CNKSR2: variants seen among roughly 807,000 people sequenced by gnomAD.
CNKSR2 encodes the protein connector enhancer of kinase suppressor of Ras 2, also known as CNK homolog protein 2.
Under a neutral mutation model 84.4 loss-of-function variants are expected in CNKSR2, and 14 were observed. The observed-to-expected ratio is 0.17, with a 90% CI of 0.11 to 0.26. CNKSR2 has a LOEUF of 0.26. Ranked by LOEUF, CNKSR2 falls within the 10% of genes least tolerant of loss-of-function variation. The pLI is 1.00. For missense variants in CNKSR2, 485 were observed against 771.2 expected (o/e 0.63, Z 4.40); for synonymous variants, 275 against 277.9 (o/e 0.99, Z 0.10).
chrX:21,396,233 T>A (rs1465691312), intron 1 of CNKSR2, among the ~76,000 whole-genome samples: 1 of 110,884 alleles, frequency 9.0e-6, no homozygotes, highest in African/African-American at 3.3e-5. Context: ...AAACAAAAAT[T>A]TGAATTCTAA....
chrX:21,472,720 T>G (rs755204150), intron 5 of CNKSR2, among the ~76,000 whole-genome samples: 1 of 111,771 alleles, frequency 8.9e-6, no homozygotes, highest in South Asian at 3.7e-4. Flanking sequence ...TCTAGAGAAC[T>G]GTAAAAAATA....
intron 3 of CNKSR2, among the ~76,000 whole-genome samples, chrX:21,439,414 T>C (rs898686257): frequency 9.0e-5 from 10 of 110,804 alleles, no homozygotes; most frequent in African/African-American, 3.3e-4. Flanking sequence ...AATATATATA[T>C]TCAAAATATA....
chrX:21,603,918 G>A (rs1444297223), intron 18 of CNKSR2, among the ~76,000 whole-genome samples: 1 of 110,667 alleles, frequency 9.0e-6, no homozygotes, highest in Admixed American at 9.6e-5. Context: ...CTCTTCTAGT[G>A]TTGGCACTGC....
intron 13 of CNKSR2, among the ~76,000 whole-genome samples, chrX:21,573,273 C>A (rs1384913990): frequency 4.5e-5 from 5 of 112,200 alleles, no homozygotes; most frequent in Non-Finnish European, 3.8e-5. Context: ...CATGAACTGG[C>A]ATTGAGTGCC....
intron 20 of CNKSR2, among the ~76,000 whole-genome samples, chrX:21,624,835 GCA>G (rs1310277384): frequency 4.5e-5 from 5 of 112,206 alleles, no homozygotes; most frequent in African/African-American, 1.3e-4. Flanking sequence ...TCTATTCATT[GCA>G]CAGTTTCTAA....
At chrX:21,552,919 G>C (rs1202079323) in intron 11 of CNKSR2, among the ~76,000 whole-genome samples, 1 of 111,776 alleles carries the variant, frequency 8.9e-6, no homozygotes, top group Non-Finnish European at 1.9e-5. Flanking sequence ...ATAATGACTG[G>C]AGACATTAGA....
chrX:21,522,088 T>C (rs1046983383), intron 9 of CNKSR2, among the ~76,000 whole-genome samples: 1 of 111,151 alleles, frequency 9.0e-6, no homozygotes, highest in African/African-American at 3.2e-5. Context: ...CAGGATACAT[T>C]TTCTCTGAAG....
chrX:21,383,928 A>G (rs2089933984), intron 1 of CNKSR2, among the ~76,000 whole-genome samples: 1 of 112,220 alleles, frequency 8.9e-6, no homozygotes, highest in Non-Finnish European at 1.9e-5. Context: ...GCTGGCATTA[A>G]ATAATACAGC....
chrX:21,509,153 A>T (rs2091644610), intron 8 of CNKSR2, among the ~76,000 whole-genome samples: 1 of 112,173 alleles, frequency 8.9e-6, no homozygotes, highest in Admixed American at 9.5e-5. Flanking sequence ...ATTCACATTA[A>T]GATATTAAGT....
At chrX:21,511,437 GTC>G (rs1569213923) in intron 8 of CNKSR2, among the ~76,000 whole-genome samples, 1 of 110,440 alleles carries the variant, frequency 9.1e-6, no homozygotes, top group Non-Finnish European at 1.9e-5. Flanking sequence ...GCCCTTTATT[GTC>G]TCTGAAACAT....
chrX:21,483,005 A>G (rs1451139721), intron 5 of CNKSR2, among the ~76,000 whole-genome samples: 1 of 111,961 alleles, frequency 8.9e-6, no homozygotes, highest in Non-Finnish European at 1.9e-5. Flanking sequence ...TAATTTTAAT[A>G]TTGGGTTAAA....
chrX:21,511,491 T>C (rs1233008347), intron 8 of CNKSR2, among the ~76,000 whole-genome samples: 2 of 110,909 alleles, frequency 1.8e-5, no homozygotes, highest in East Asian at 2.8e-4. Context: ...AGTCAAGTTA[T>C]GCAGTATGCC....
chrX:21,650,889 G>A (rs1419582091), intron 21 of CNKSR2, among the ~76,000 whole-genome samples: 3 of 111,848 alleles, frequency 2.7e-5, no homozygotes, highest in Admixed American at 9.4e-5. Flanking sequence ...GTTAATAGTC[G>A]TAAGAATAGT....
chrX:21,585,926 G>C (rs1280504419), intron 13 of CNKSR2, among the ~76,000 whole-genome samples: 2 of 111,542 alleles, frequency 1.8e-5, no homozygotes, highest in Non-Finnish European at 3.8e-5. Flanking sequence ...TCCATTTTTG[G>C]TGATCAATAA....
intron 1 of CNKSR2, among the ~76,000 whole-genome samples, chrX:21,376,550 T>A (rs920201163): frequency 3.6e-5 from 4 of 111,837 alleles, no homozygotes; most frequent in African/African-American, 6.5e-5. Flanking sequence ...TTTTTCTCTT[T>A]ATGTATTTGC....
chrX:21,637,557 A>T (rs971672551), intron 20 of CNKSR2: 2 of 111,477 alleles, frequency 1.8e-5, no homozygotes, highest in African/African-American at 6.5e-5. Context: ...AATAAAAAAA[A>T]TCTTTAATAT....
chrX:21,474,695 A>G (rs182692854), intron 5 of CNKSR2, among the ~76,000 whole-genome samples: 4 of 111,680 alleles, frequency 3.6e-5, no homozygotes, highest in Non-Finnish European at 5.6e-5. Flanking sequence ...GATGGGGCTT[A>G]AGGGGTGTCT....
chrX:21,386,042 A>C (rs1014208427), intron 1 of CNKSR2, among the ~76,000 whole-genome samples: 1 of 106,732 alleles, frequency 9.4e-6, no homozygotes, highest in African/African-American at 3.5e-5. Flanking sequence ...AAAAAAAAAA[A>C]GCCTACCCTG....
chrX:21,526,749 G>T (rs781772926), intron 9 of CNKSR2, 118 bp from the exon 10 acceptor site: 57 of 657,786 alleles, frequency 8.7e-5, no homozygotes, highest in Non-Finnish European at 1.2e-4. Context: ...TTCAAAAACT[G>T]CAGAAATAGA....
Sources: gnomAD v4.1 joint callset for allele counts (sites outside exome capture counted in the v4.1 genomes callset) on GRCh38, gnomAD v4.1.1 for gene constraint, MANE v1.5 for transcripts, NCBI Gene and HGNC (gene_info 2026-07-23, HGNC 2026-07-21) for gene names.